ALDH1A1: variants seen among roughly 807,000 people sequenced by gnomAD.
ALDH1A1 encodes the protein aldehyde dehydrogenase 1A1.
Under a neutral mutation model 62.1 loss-of-function variants are expected in ALDH1A1, and 19 were observed. The observed-to-expected ratio is 0.31, with a 90% CI of 0.21 to 0.45. ALDH1A1 has a LOEUF of 0.45. ALDH1A1 is among the 20% of genes least tolerant of loss of function. The probability of loss-of-function intolerance (pLI) is 1.00; values close to 1 mark genes in which losing one functional copy is unlikely to be tolerated. For missense variants in ALDH1A1, 521 were observed against 607.1 expected (o/e 0.86, Z 1.49); for synonymous variants, 231 against 215.9 (o/e 1.07, Z -0.61).
intron 11 of ALDH1A1, 65 bp from the exon 12 acceptor site, chr9:72,906,097 A>C (rs1829874916): frequency 7.7e-7 from 1 of 1,293,984 alleles, no homozygotes; most frequent in Non-Finnish European, 1.1e-6. Context: ...CCTTTTTGGC[A>C]GTTTTAGAAA....
chr9:72,929,104 T>A (rs1830247917), intron 3 of ALDH1A1, 83 bp from the exon 4 acceptor site: 1 of 1,440,524 alleles, frequency 6.9e-7, no homozygotes, highest in South Asian at 1.4e-5. Context: ...AGCAATCATG[T>A]GCTAGGGAAT....
intron 12 of ALDH1A1, among the ~76,000 whole-genome samples, chr9:72,904,766 ATACTTTGCTCGG>A (rs548733946): frequency 7.2e-4 from 110 of 152,226 alleles, no homozygotes; most frequent in African/African-American, 2.4e-3. Context: ...GTTTTCTTCA[ATACTTTGCTCGG>A]TACTTTAATT....
intron 1 of ALDH1A1, among the ~76,000 whole-genome samples, chr9:72,951,974 A>G (rs751091992): frequency 6.6e-6 from 1 of 151,978 alleles, no homozygotes; most frequent in Non-Finnish European, 1.5e-5. Context: ...CCATGGTTAC[A>G]AGTGAGGAAA....
intron 5 of ALDH1A1, among the ~76,000 whole-genome samples, chr9:72,926,719 G>A (rs969454136): frequency 2.0e-5 from 3 of 152,230 alleles, no homozygotes; most frequent in Non-Finnish European, 4.4e-5. Context: ...GAGAAAGTGC[G>A]TTGGAGAATA....
rs141111470 is a variant in ALDH1A1, at chr9:72,948,502, T to G, written c.66+4433A>C. On this transcript the variant is annotated intron_variant, in intron 1 of 12. Transcript: ENST00000297785. ...GTTCTTTGAGCATAACATGCTCTTG[T>G]CCTCGGGGTCTTTGCATGTGGTAAG... is the stretch of plus-strand genomic sequence containing the variant. Among the ~76,000 whole-genome samples the G allele has an allele frequency of 7.9e-5, 12 of 152,038 alleles. No individual in the cohort carries two copies. In the East Asian group the frequency reaches 2.3e-3, roughly 29 times the overall value.
At chr9:72,902,079 C>T (rs1829812077) in intron 12 of ALDH1A1, among the ~76,000 whole-genome samples, 1 of 151,976 alleles carries the variant, frequency 6.6e-6, no homozygotes, top group African/African-American at 2.4e-5. Context: ...CTCCTCGTCC[C>T]CTACCATTTT....
At chr9:72,922,286 T>A (rs1353671571) in intron 7 of ALDH1A1, among the ~76,000 whole-genome samples, 2 of 152,212 alleles carry the variant, frequency 1.3e-5, no homozygotes, top group East Asian at 3.8e-4. Context: ...GCTACTTAAC[T>A]TTTTAAAGAC....
At chr9:72,920,153 G>C (rs1462234544) in intron 7 of ALDH1A1, among the ~76,000 whole-genome samples, 2 of 152,154 alleles carry the variant, frequency 1.3e-5, no homozygotes, top group Non-Finnish European at 2.9e-5. Flanking sequence ...TGTTTCGTGA[G>C]TGTATGTTTA....
chr9:72,929,536 G>C (rs1409799128), intron 3 of ALDH1A1, among the ~76,000 whole-genome samples: 1 of 152,160 alleles, frequency 6.6e-6, no homozygotes, highest in East Asian at 1.9e-4. Flanking sequence ...TCCTTCAGCA[G>C]AATTTTAATT....
chr9:72,923,812 C>T, intron 7 of ALDH1A1: 3 of 374,944 alleles, frequency 8.0e-6, no homozygotes, highest in Non-Finnish European at 1.4e-5. Context: ...ATAGTTTACT[C>T]TCATTCTGAT....
intron 10 of ALDH1A1, among the ~76,000 whole-genome samples, chr9:72,911,619 T>G (rs2118495858): frequency 6.6e-6 from 1 of 152,294 alleles, no homozygotes; most frequent in African/African-American, 2.4e-5. Context: ...TATTTGTCTT[T>G]TTATGCCTGT....
chr9:72,908,669 G>A (rs1356030805), intron 11 of ALDH1A1, among the ~76,000 whole-genome samples: 1 of 151,896 alleles, frequency 6.6e-6, no homozygotes, highest in African/African-American at 2.4e-5. Context: ...CTTAGTGTTG[G>A]GAAGGAAAAT....
intron 1 of ALDH1A1, among the ~76,000 whole-genome samples, chr9:72,946,205 C>T (rs758402399): frequency 6.6e-6 from 1 of 151,958 alleles, no homozygotes; most frequent in Non-Finnish European, 1.5e-5. Context: ...TAGAATTGCT[C>T]GCATGTAAGC....
intron 9 of ALDH1A1, among the ~76,000 whole-genome samples, chr9:72,916,055 T>C (rs1424760099): frequency 6.6e-6 from 1 of 152,196 alleles, no homozygotes; most frequent in African/African-American, 2.4e-5. Context: ...GTCATGGGGC[T>C]GTCCTGGTCA....
intron 2 of ALDH1A1, among the ~76,000 whole-genome samples, chr9:72,933,609 A>G (rs1227192874): frequency 4.3e-5 from 4 of 92,408 alleles, no homozygotes; most frequent in African/African-American, 1.5e-4. Flanking sequence ...AAAAAAAAAA[A>G]AAAAGAAAAA....
intron 1 of ALDH1A1, among the ~76,000 whole-genome samples, chr9:72,949,159 T>C (rs1371932294): frequency 2.0e-5 from 3 of 151,912 alleles, no homozygotes; most frequent in African/African-American, 7.2e-5. Context: ...GTCAAAGTCC[T>C]CTGCCTCATA....
intron 12 of ALDH1A1, among the ~76,000 whole-genome samples, chr9:72,901,709 C>T (rs938397908): frequency 6.6e-6 from 1 of 151,914 alleles, no homozygotes; most frequent in African/African-American, 2.4e-5. Flanking sequence ...GGACATAGGA[C>T]AAGAGGAGAA....
chr9:72,940,037 A>G (rs902011514), intron 2 of ALDH1A1, 111 bp downstream of exon 2: 2 of 702,758 alleles, frequency 2.8e-6, no homozygotes, highest in Non-Finnish European at 4.7e-6. Context: ...CTGCCCCAGA[A>G]ACCATATTTT....
intron 2 of ALDH1A1, among the ~76,000 whole-genome samples, chr9:72,936,582 C>T (rs1270884472): frequency 6.6e-6 from 1 of 152,082 alleles, no homozygotes; most frequent in African/African-American, 2.4e-5. Flanking sequence ...GTGTGTGGAT[C>T]TCCTGAAGTC....
Sources: allele counts gnomAD v4.1 joint callset (sites outside exome capture counted in the v4.1 genomes callset), GRCh38; gene constraint gnomAD v4.1.1; transcripts MANE v1.5; gene names NCBI Gene and HGNC (gene_info 2026-07-23, HGNC 2026-07-21).